NRG1: variants seen among roughly 807,000 people sequenced by gnomAD.
NRG1 encodes pro-neuregulin-1, membrane-bound isoform.
In NRG1, 18 loss-of-function variants were observed where a neutral mutation model predicts 63.8. The observed-to-expected ratio is 0.28, with a 90% confidence interval of 0.19 to 0.42. The LOEUF is 0.42. Among genes scored for constraint, NRG1 ranks in the 10% least tolerant of loss-of-function variants. The pLI, the probability that NRG1 is intolerant of heterozygous loss-of-function variation, is 1.00. For synonymous variants in NRG1, 302 were observed against 301.3 expected, an observed-to-expected ratio of 1.00 and a Z score of -0.02; for missense variants, 762 against 814.7, an observed-to-expected ratio of 0.94 and a Z score of 0.79.
chr8:32,032,635 T>A (rs1818442346), intron 1 of NRG1, among the ~76,000 whole-genome samples: 1 of 152,186 alleles, frequency 6.6e-6, no homozygotes, highest in Non-Finnish European at 1.5e-5. Context: ...GTTTTTTTCT[T>A]GTGAATGTGT....
intron 5 of NRG1, among the ~76,000 whole-genome samples, chr8:32,624,867 A>G (rs924412722): frequency 6.6e-6 from 1 of 152,200 alleles, no homozygotes. Flanking sequence ...TCCATGATTG[A>G]GGAGATTTTG....
At chr8:31,978,799 G>A (rs1473705132) in intron 1 of NRG1, among the ~76,000 whole-genome samples, 1 of 152,120 alleles carries the variant, frequency 6.6e-6, no homozygotes, top group African/African-American at 2.4e-5. Context: ...GTTTAAAAAT[G>A]TAAGAATTAC....
At chr8:31,917,264 A>G (rs1408385742) in intron 1 of NRG1, among the ~76,000 whole-genome samples, 1 of 144,790 alleles carries the variant, frequency 6.9e-6, no homozygotes, top group East Asian at 2.0e-4. Context: ...GGTGTTTTAG[A>G]CATGAAGTTC....
intron 1 of NRG1, among the ~76,000 whole-genome samples, chr8:31,644,995 C>T (rs1336266146): frequency 6.6e-6 from 1 of 152,024 alleles, no homozygotes; most frequent in Non-Finnish European, 1.5e-5. Context: ...TGTTACCACC[C>T]CAAAATAGTG....
At chr8:31,800,244 A>G (rs1470251209) in intron 1 of NRG1, among the ~76,000 whole-genome samples, 1 of 152,208 alleles carries the variant, frequency 6.6e-6, no homozygotes, top group Non-Finnish European at 1.5e-5. Context: ...AAAATATTCT[A>G]ATATCCACAA....
At chr8:32,575,272 G>C (rs1839400947) in intron 1 of NRG1, among the ~76,000 whole-genome samples, 1 of 152,098 alleles carries the variant, frequency 6.6e-6, no homozygotes, top group Non-Finnish European at 1.5e-5. Context: ...TAGGATGCAT[G>C]TTTTAGCTCA....
chr8:32,675,804 A>G (rs1443957374), intron 5 of NRG1, among the ~76,000 whole-genome samples: 1 of 152,136 alleles, frequency 6.6e-6, no homozygotes, highest in Non-Finnish European at 1.5e-5. Context: ...TCAATAAAAT[A>G]TGGTAAAATA....
intron 5 of NRG1, among the ~76,000 whole-genome samples, chr8:32,656,004 A>G (rs919858806): frequency 6.6e-6 from 1 of 152,128 alleles, no homozygotes; most frequent in African/African-American, 2.4e-5. Flanking sequence ...ATCTCAAAAG[A>G]TGGGAATTAA....
chr8:32,012,687 A>G (rs1009123911), intron 1 of NRG1, among the ~76,000 whole-genome samples: 6 of 152,122 alleles, frequency 3.9e-5, no homozygotes, highest in South Asian at 2.1e-4. Context: ...CCTCAACTGG[A>G]AAATTGGACT....
intron 1 of NRG1, among the ~76,000 whole-genome samples, chr8:32,405,406 ACTT>A (rs1238404763): frequency 6.6e-6 from 1 of 152,242 alleles, no homozygotes; most frequent in Non-Finnish European, 1.5e-5. Context: ...TACTATGGTG[ACTT>A]CTTCTGTGCC....
At chr8:31,692,721 C>A (rs142229144) in intron 1 of NRG1, among the ~76,000 whole-genome samples, 2 of 152,078 alleles carry the variant, frequency 1.3e-5, no homozygotes, top group African/African-American at 4.8e-5. Flanking sequence ...ACATACTTCA[C>A]GAAGTAAATT....
At chr8:32,612,812 A>T (rs1210352266) in intron 3 of NRG1, among the ~76,000 whole-genome samples, 1 of 152,140 alleles carries the variant, frequency 6.6e-6, no homozygotes, top group South Asian at 2.1e-4. Flanking sequence ...TTACGACTTC[A>T]TCTGGTTGTA....
intron 5 of NRG1, among the ~76,000 whole-genome samples, chr8:32,674,158 G>C (rs902739453): frequency 6.6e-6 from 1 of 152,114 alleles, no homozygotes; most frequent in African/African-American, 2.4e-5. Flanking sequence ...CATCAATACA[G>C]TGCAGTTTTA....
chr8:32,661,892 G>T (rs1047435886), intron 5 of NRG1, among the ~76,000 whole-genome samples: 22 of 152,074 alleles, frequency 1.4e-4, no homozygotes, highest in African/African-American at 4.3e-4. Flanking sequence ...TAGATTAAAA[G>T]GTACAAACAT....
intron 1 of NRG1, among the ~76,000 whole-genome samples, chr8:31,787,891 C>G (rs1404729074): frequency 3.9e-5 from 6 of 152,088 alleles, no homozygotes; most frequent in Admixed American, 2.6e-4. Context: ...CAATAGCTAG[C>G]ATTTGTTGAA....
chr8:32,750,313 A>G (rs1227892501), intron 7 of NRG1, among the ~76,000 whole-genome samples: 1 of 152,202 alleles, frequency 6.6e-6, no homozygotes, highest in African/African-American at 2.4e-5. Flanking sequence ...GTCAAAGTAA[A>G]AGAAAAATAT....
At chr8:32,472,203 C>T (rs1447370937) in intron 1 of NRG1, among the ~76,000 whole-genome samples, 2 of 152,172 alleles carry the variant, frequency 1.3e-5, no homozygotes, top group African/African-American at 2.4e-5. Flanking sequence ...GACAGTCTCA[C>T]TCTGTCGCCC....
intron 1 of NRG1, among the ~76,000 whole-genome samples, chr8:31,918,723 A>C (rs1284777641): frequency 6.6e-6 from 1 of 152,160 alleles, no homozygotes; most frequent in African/African-American, 2.4e-5. Context: ...TCATAAAATG[A>C]GTTAGGGAGG....
intron 1 of NRG1, among the ~76,000 whole-genome samples, chr8:32,506,746 G>A (rs1828576775): frequency 6.6e-6 from 1 of 152,046 alleles, no homozygotes; most frequent in African/African-American, 2.4e-5. Flanking sequence ...TGGGCATGGT[G>A]GCTCACACCT....
Sources: allele counts gnomAD v4.1 joint callset (sites outside exome capture counted in the v4.1 genomes callset), GRCh38; gene constraint gnomAD v4.1.1; transcripts MANE v1.5; gene names NCBI Gene and HGNC (gene_info 2026-07-23, HGNC 2026-07-21).